The following SIL1 variants were observed in gnomAD, a reference collection of about 807,000 sequenced individuals.
SIL1 encodes SIL1 nucleotide exchange factor.
A neutral mutation model predicts 49.1 loss-of-function variants in SIL1; 40 were observed. The ratio of observed to expected loss-of-function variants is 0.81; its 90% CI spans 0.63 to 1.06. The LOEUF is 1.06. Among genes scored for constraint, SIL1 ranks in the 50% least tolerant of loss-of-function variants. SIL1 has a pLI of 0.00. For missense variants in SIL1, 500 were observed against 572.6 expected (o/e 0.87, Z 1.29); for synonymous variants, 253 against 250.8 (o/e 1.01, Z -0.08).
chr5:138,987,047 A>G lies in SIL1; in HGVS notation c.767+34124T>C, dbSNP rs193160941. Among the ~76,000 whole-genome samples the G allele has an allele frequency of 3.0e-3, 458 of 151,830 alleles. 2 individuals are homozygous for G. Among genetic ancestry groups the G allele is most frequent in the Admixed American group, 6.6e-3 (100 of 15,248 alleles). ...GGGGAAAAAAAATTGGGTCAATTTG[A>G]TATTTGATGCACTATTTTGTTTTAT... On this transcript the variant is annotated intron_variant, in intron 7 of 9. Coordinates refer to ENST00000394817, the MANE Select transcript of SIL1 (RefSeq NM_022464.5).
At chr5:139,092,385 T>C (rs1355327847) in intron 3 of SIL1, among the ~76,000 whole-genome samples, 3 of 152,210 alleles carry the variant, frequency 2.0e-5, no homozygotes, top group Non-Finnish European at 2.9e-5. Context: ...TCTATTTCTG[T>C]AGATAAATTG....
chr5:138,990,174 G>A (rs1256150927), intron 7 of SIL1, among the ~76,000 whole-genome samples: 8 of 152,068 alleles, frequency 5.3e-5, no homozygotes, highest in Admixed American at 2.0e-4. Flanking sequence ...CAATGTGAGC[G>A]TACACTTACC....
chr5:139,158,981 A>T (rs570672087), intron 1 of SIL1, among the ~76,000 whole-genome samples: 2 of 152,266 alleles, frequency 1.3e-5, no homozygotes, highest in East Asian at 3.9e-4. Context: ...GCTATTTTGT[A>T]ACTTTATAGG....
chr5:138,996,241 T>A (rs988218903), intron 7 of SIL1, among the ~76,000 whole-genome samples: 1 of 152,202 alleles, frequency 6.6e-6, no homozygotes. Flanking sequence ...TGAGATGATA[T>A]CCCATTGTGA....
At chr5:138,970,961 G>C (rs963944399) in intron 7 of SIL1, among the ~76,000 whole-genome samples, 5 of 151,926 alleles carry the variant, frequency 3.3e-5, no homozygotes, top group Non-Finnish European at 7.4e-5. Context: ...GGTCCTGCTT[G>C]TGTGACACAC....
At chr5:138,973,807 A>AT (rs1767337433) in intron 7 of SIL1, among the ~76,000 whole-genome samples, 1 of 152,114 alleles carries the variant, frequency 6.6e-6, no homozygotes, top group Non-Finnish European at 1.5e-5. Flanking sequence ...GCTGGTCTCA[A>AT]ACTCCAGGCT....
chr5:138,952,235 C>T lies in SIL1; in HGVS notation c.768-351G>A, dbSNP rs544208499. Among the ~76,000 whole-genome samples, 128 of 152,326 alleles carry T rather than the reference C, an allele frequency of 8.4e-4. 1 individual carries two copies. The South Asian group carries it at 0.013, about 16-fold the overall frequency. On this transcript the variant is annotated intron_variant, in intron 7 of 9. Transcript: ENST00000394817. ...CCCTCCCGTAGGAAGCCTTTCTTGG[C>T]GCTTCCCAAGCCAGTGCCGGATGTT... is the stretch of plus-strand genomic sequence containing the variant.
Position 139,086,884 on chromosome 5 carries a change from C to T in SIL1, c.244+34151G>A, listed in dbSNP as rs1015212146. 7.2e-5 allele frequency among the ~76,000 whole-genome samples: 11 copies of T among 151,840 alleles called. No homozygotes were observed. The East Asian group carries it at 2.2e-3, about 30-fold the overall frequency. On this transcript the variant is annotated intron_variant, in intron 3 of 9. Coordinates refer to ENST00000394817, the MANE Select transcript of SIL1 (RefSeq NM_022464.5). ...CTGAGGCAGGGGAATAACTTGAACT[C>T]GGGAGGCGGAGGTTGCAGTGAGTTG... is the stretch of plus-strand genomic sequence containing the variant.
At chr5:139,177,159 C>T (rs1751901833) in intron 1 of SIL1, among the ~76,000 whole-genome samples, 1 of 152,066 alleles carries the variant, frequency 6.6e-6, no homozygotes, top group Non-Finnish European at 1.5e-5. Context: ...GTCTCGATCT[C>T]CTGACCTTGT....
intron 5 of SIL1, chr5:139,035,537 A>G: frequency 2.0e-6 from 1 of 511,836 alleles, no homozygotes. Context: ...TCGGAGACAG[A>G]CCCAGGGGGC....
In SIL1 at chr5:138,947,902, G is replaced by A. The variant is rs1766671927; in HGVS notation, c.1030-429C>T. On this transcript the variant is annotated intron_variant, in intron 9 of 9. Transcript: ENST00000394817. The surrounding 1 kb of genome is among the most constrained non-coding windows in gnomAD (Gnocchi z 4.1). Reference sequence around the variant, plus strand: ...ACTCATCGTCATCACCTCCTAAGTGGAGAAACTCAGCCTGTCTGTAAAGCG... The same window carrying A: ...ACTCATCGTCATCACCTCCTAAGTGAAGAAACTCAGCCTGTCTGTAAAGCG... Among the ~76,000 whole-genome samples, 1 of 152,180 alleles carries A rather than the reference G, an allele frequency of 6.6e-6. No homozygotes were observed. The highest frequency in any genetic ancestry group is 2.4e-5 in the African/African-American group (1 of 41,436).
chr5:139,171,143 G>A (rs1303067097), intron 1 of SIL1, among the ~76,000 whole-genome samples: 12 of 151,800 alleles, frequency 7.9e-5, no homozygotes, highest in African/African-American at 2.9e-4. Context: ...CTGCCCCGCC[G>A]CCCCTACTGG....
chr5:139,175,194 C>T (rs1170973678), intron 1 of SIL1, among the ~76,000 whole-genome samples: 1 of 152,008 alleles, frequency 6.6e-6, no homozygotes, highest in African/African-American at 2.4e-5. Flanking sequence ...TGGTGGCACG[C>T]GCCTGTAGTC....
At chr5:139,152,618 C>T (rs1027529361) in intron 1 of SIL1, among the ~76,000 whole-genome samples, 20 of 141,840 alleles carry the variant, frequency 1.4e-4, no homozygotes, top group Non-Finnish European at 2.6e-4. Flanking sequence ...GAGACAACAT[C>T]TTGGGAAAAA....
At chr5:139,150,108 A>G (rs1376441977) in intron 1 of SIL1, among the ~76,000 whole-genome samples, 5 of 152,226 alleles carry the variant, frequency 3.3e-5, no homozygotes. Context: ...ACTTCACTTA[A>G]TAGAAGGAGC....
chr5:138,968,101 C>T (rs189069413), intron 7 of SIL1, among the ~76,000 whole-genome samples: 11 of 152,228 alleles, frequency 7.2e-5, no homozygotes, highest in African/African-American at 2.4e-4. Context: ...AGTCGGAAGT[C>T]CTTTAATGTG....
chr5:139,071,013 C>T (rs903914665), intron 3 of SIL1, among the ~76,000 whole-genome samples: 2 of 152,040 alleles, frequency 1.3e-5, no homozygotes, highest in African/African-American at 4.8e-5. Context: ...TGAAAGAGCA[C>T]AAAACTGCCT....
At chr5:139,042,584 T>C (rs1052263308) in intron 5 of SIL1, 36 bp downstream of exon 5, 5 of 1,566,778 alleles carry the variant, frequency 3.2e-6, no homozygotes, top group Non-Finnish European at 3.5e-6. Context: ...AAGGCCATGC[T>C]GCAGGCTTAT....
At chr5:138,982,156 G>T (rs1767541457) in intron 7 of SIL1, among the ~76,000 whole-genome samples, 1 of 152,168 alleles carries the variant, frequency 6.6e-6, no homozygotes, top group African/African-American at 2.4e-5. Flanking sequence ...ACATTTTGAG[G>T]ACAGTAACCA....
Sources: allele counts gnomAD v4.1 joint callset (sites outside exome capture counted in the v4.1 genomes callset), GRCh38; gene constraint gnomAD v4.1.1; non-coding constraint Gnocchi (gnomAD v3.1); transcripts MANE v1.5; gene names NCBI Gene and HGNC (gene_info 2026-07-23, HGNC 2026-07-21).